The following CSMD1 variants were observed in gnomAD, a reference collection of about 807,000 sequenced individuals.
CSMD1 encodes the protein CUB and Sushi multiple domains 1, also known as CUB and sushi domain-containing protein 1.
Under a neutral mutation model 417.5 loss-of-function variants are expected in CSMD1, and 213 were observed. The observed-to-expected ratio is 0.51, with a 90% CI of 0.46 to 0.57. The LOEUF (loss-of-function observed/expected upper bound fraction) is 0.57, where lower values mean the gene tolerates loss of function less well. Among genes scored for constraint, CSMD1 ranks in the 20% least tolerant of loss-of-function variants. The pLI, the probability that CSMD1 is intolerant of heterozygous loss-of-function variation, is 0.00. For synonymous variants in CSMD1, 2,862 were observed against 1,736.8 expected, an observed-to-expected ratio of 1.65 and a Z score of -16.11; for missense variants, 6,923 against 4,529.7, an observed-to-expected ratio of 1.53 and a Z score of -15.17.
At chr8:3,611,943 C>A (rs1447217902) in intron 8 of CSMD1, among the ~76,000 whole-genome samples, 1 of 152,028 alleles carries the variant, frequency 6.6e-6, no homozygotes. Context: ...TTTAAGATGA[C>A]ATCATTTGCC....
chr8:4,860,798 A>C (rs1585226004), intron 1 of CSMD1, among the ~76,000 whole-genome samples: 1 of 152,224 alleles, frequency 6.6e-6, no homozygotes, highest in East Asian at 1.9e-4. Flanking sequence ...ACCAAATTGC[A>C]ACTTCCTGTA....
chr8:4,666,675 A>G (rs926522068), intron 1 of CSMD1, among the ~76,000 whole-genome samples: 2 of 152,194 alleles, frequency 1.3e-5, no homozygotes, highest in African/African-American at 2.4e-5. Flanking sequence ...GTAATTAAAC[A>G]AAGTGTCCAA....
chr8:4,475,206 A>G (rs1377218358), intron 2 of CSMD1, among the ~76,000 whole-genome samples: 1 of 152,222 alleles, frequency 6.6e-6, no homozygotes, highest in Non-Finnish European at 1.5e-5. Flanking sequence ...TATATATCTT[A>G]AAAGTTGTGG....
intron 5 of CSMD1, among the ~76,000 whole-genome samples, chr8:3,757,586 G>T (rs545300103): frequency 4.6e-5 from 7 of 152,106 alleles, no homozygotes; most frequent in African/African-American, 1.2e-4. Context: ...AAACAGACCC[G>T]GTGCAGTGGC....
intron 12 of CSMD1, among the ~76,000 whole-genome samples, chr8:3,458,252 G>A (rs993860691): frequency 3.3e-5 from 5 of 152,116 alleles, no homozygotes; most frequent in Admixed American, 6.5e-5. Context: ...AAATTTCTGC[G>A]TTAGAATTTA....
chr8:4,468,817 T>G (rs1340084869), intron 2 of CSMD1, among the ~76,000 whole-genome samples: 1 of 152,192 alleles, frequency 6.6e-6, no homozygotes, highest in Non-Finnish European at 1.5e-5. Context: ...ATTATTGTAT[T>G]GAATTTAGCC....
At chr8:3,377,590 C>G (rs752055590) in intron 18 of CSMD1, among the ~76,000 whole-genome samples, 70 of 152,142 alleles carry the variant, frequency 4.6e-4, no homozygotes, top group Non-Finnish European at 8.2e-4. Context: ...TCTCCTAAAT[C>G]ATTTTCCTAT....
chr8:4,205,642 C>T (rs973390992), intron 3 of CSMD1, among the ~76,000 whole-genome samples: 1 of 152,118 alleles, frequency 6.6e-6, no homozygotes, highest in Non-Finnish European at 1.5e-5. Context: ...AGTGAGAAAG[C>T]CTCTCATTGT....
chr8:4,257,172 G>C (rs759187549), intron 3 of CSMD1, among the ~76,000 whole-genome samples: 14 of 146,258 alleles, frequency 9.6e-5, no homozygotes, highest in African/African-American at 2.6e-4. Context: ...TTGACCTTGA[G>C]TTATAAATTA....
chr8:4,049,820 T>C (rs1358686649), intron 3 of CSMD1, among the ~76,000 whole-genome samples: 1 of 151,346 alleles, frequency 6.6e-6, no homozygotes, highest in Non-Finnish European at 1.5e-5. Context: ...GGACATTTCT[T>C]ACAATCAGTG....
intron 1 of CSMD1, among the ~76,000 whole-genome samples, chr8:4,644,483 T>C (rs1217817142): frequency 6.6e-6 from 1 of 152,178 alleles, no homozygotes; most frequent in East Asian, 1.9e-4. Context: ...CTTAGCTCAC[T>C]GCAGCCTCCA....
At chr8:4,312,468 T>C (rs1240214099) in intron 3 of CSMD1, among the ~76,000 whole-genome samples, 1 of 138,714 alleles carries the variant, frequency 7.2e-6, no homozygotes, top group East Asian at 1.9e-4. Context: ...TATGCGCGTA[T>C]ATATATATAT....
chr8:4,459,878 A>C (rs1220874981), intron 2 of CSMD1, among the ~76,000 whole-genome samples: 1 of 152,196 alleles, frequency 6.6e-6, no homozygotes, highest in Admixed American at 6.5e-5. Context: ...AAAATATATA[A>C]AACAGAACCT....
At chr8:4,511,887 T>G (rs1315322163) in intron 2 of CSMD1, among the ~76,000 whole-genome samples, 1 of 152,096 alleles carries the variant, frequency 6.6e-6, no homozygotes, top group East Asian at 1.9e-4. Flanking sequence ...GCTTCCAGCT[T>G]GGGGAGGGGA....
chr8:3,539,288 C>T (rs923132158), intron 10 of CSMD1, among the ~76,000 whole-genome samples: 1 of 152,132 alleles, frequency 6.6e-6, no homozygotes, highest in Admixed American at 6.5e-5. Flanking sequence ...GGTTGTCTTC[C>T]CCCTACTGCC....
In CSMD1 at chr8:4,722,557, G is replaced by C. The variant is rs750930899; in HGVS notation, c.86-84999C>G. On this transcript the variant is annotated intron_variant, in intron 1 of 69. Transcript: ENST00000635120. ...CTGAATGGGGTAGAACTTTCCAAAT[G>C]CATCAGATAGTTAGGAATGTCTGTG... 2.2e-4 allele frequency among the ~76,000 whole-genome samples: 33 copies of C among 152,010 alleles called. 1 individual carries two copies. Among genetic ancestry groups the C allele is most frequent in the African/African-American group, 8.0e-4 (33 of 41,390 alleles).
intron 12 of CSMD1, among the ~76,000 whole-genome samples, chr8:3,459,125 G>A (rs554512078): frequency 6.6e-6 from 1 of 152,330 alleles, no homozygotes; most frequent in African/African-American, 2.4e-5. Flanking sequence ...ATGCTACACT[G>A]TGCTACAGCA....
At chr8:4,597,770 G>A (rs1202039515) in intron 2 of CSMD1, among the ~76,000 whole-genome samples, 9 of 151,974 alleles carry the variant, frequency 5.9e-5, no homozygotes, top group Non-Finnish European at 1.2e-4. Context: ...AAAAGTAATG[G>A]GATGACTTTC....
intron 5 of CSMD1, among the ~76,000 whole-genome samples, chr8:3,852,800 G>C (rs981518971): frequency 6.6e-6 from 1 of 152,084 alleles, no homozygotes; most frequent in African/African-American, 2.4e-5. Context: ...TCTCCTCCAA[G>C]CGCACGCTTC....
Sources: gnomAD v4.1 joint callset for allele counts (sites outside exome capture counted in the v4.1 genomes callset) on GRCh38, gnomAD v4.1.1 for gene constraint, MANE v1.5 for transcripts, NCBI Gene and HGNC (gene_info 2026-07-23, HGNC 2026-07-21) for gene names.